Variants in PPP2R2D observed in about 807,000 individuals in gnomAD.
PPP2R2D encodes serine/threonine-protein phosphatase 2A 55 kDa regulatory subunit B delta isoform.
A neutral mutation model predicts 31.1 loss-of-function variants in PPP2R2D; 9 were observed. The ratio of observed to expected loss-of-function variants is 0.29; its 90% confidence interval spans 0.17 to 0.51. PPP2R2D has a LOEUF of 0.51. PPP2R2D is among the 20% of genes least tolerant of loss of function. PPP2R2D has a pLI of 0.98. For synonymous variants in PPP2R2D, 179 were observed against 172.6 expected (o/e 1.04, Z -0.29); for missense variants, 391 against 465.6 (o/e 0.84, Z 1.48).
At chr10:131,917,769 G>C (rs1554893454) in intron 2 of PPP2R2D, among the ~76,000 whole-genome samples, 1 of 123,066 alleles carries the variant, frequency 8.1e-6, no homozygotes, top group Admixed American at 8.1e-5. Flanking sequence ...TCAGGCGGGT[G>C]GAATGACACA....
chr10:131,907,204 T>A (rs1344667022), intron 2 of PPP2R2D, among the ~76,000 whole-genome samples: 1 of 152,152 alleles, frequency 6.6e-6, no homozygotes, highest in Non-Finnish European at 1.5e-5. Context: ...TTATATTTTT[T>A]TTTTGGTCTT....
chr10:131,922,641 T>C (rs1485189059), intron 2 of PPP2R2D, among the ~76,000 whole-genome samples: 2 of 151,804 alleles, frequency 1.3e-5, no homozygotes, highest in Non-Finnish European at 2.9e-5. Context: ...TTTAGTAGAG[T>C]TTCTCTATGT....
rs1430341491 is a variant in PPP2R2D at position 131,958,068 on chromosome 10, G to A, written c.*2105G>A. Reference sequence around the variant, plus strand: ...TGTGCTGATCCCCCATCCCCATGTGGAGATGAAGGGGTGTGTTGATCCCCC... The same window carrying A: ...TGTGCTGATCCCCCATCCCCATGTGAAGATGAAGGGGTGTGTTGATCCCCC... On this transcript the variant is annotated 3_prime_UTR_variant, in exon 9 of 9. Coordinates refer to ENST00000455566, the MANE Select transcript of PPP2R2D (RefSeq NM_018461.5). The A allele has an allele frequency of 2.0e-5, 3 of 151,520 alleles. No homozygotes were observed. Among genetic ancestry groups the A allele is most frequent in the African/African-American group, 8.3e-5 (3 of 36,348 alleles). 9.4% of individuals were successfully genotyped at this position (151,520 alleles called of 1,614,324 possible).
chr10:131,916,330 ATTT>A (rs34461938), intron 2 of PPP2R2D, among the ~76,000 whole-genome samples: 3 of 143,560 alleles, frequency 2.1e-5, no homozygotes, highest in Non-Finnish European at 3.0e-5. Flanking sequence ...ATAGATTGGG[ATTT>A]TTTTTTTTTT....
At chr10:131,960,126 T>C (rs1049567245), downstream of PPP2R2D, among the ~76,000 whole-genome samples, 3 of 152,244 alleles carry the variant, frequency 2.0e-5, no homozygotes, top group Admixed American at 1.3e-4. Flanking sequence ...GTCTTGATGT[T>C]CTGAGAGGCG....
Position 131,958,044 on chromosome 10 carries a change from G to GTAC in PPP2R2D, c.*2082_*2083insACT, listed in dbSNP as rs2036843820. 1 of 153,788 alleles carries GTAC rather than the reference G, an allele frequency of 6.5e-6. No homozygotes were observed. Among genetic ancestry groups the GTAC allele is most frequent in the African/African-American group, 2.8e-5 (1 of 36,134 alleles). 9.5% of individuals were successfully genotyped at this position (153,788 alleles called of 1,614,324 possible). On this transcript the variant is annotated 3_prime_UTR_variant, in exon 9 of 9. Coordinates refer to ENST00000455566, the MANE Select transcript of PPP2R2D (RefSeq NM_018461.5). ...CGTCCCCCTGTGGAGATGAAGGTGT[G>GTAC]TGCTGATCCCCCATCCCCATGTGGA...
chr10:131,926,355 C>T (rs12570046), intron 2 of PPP2R2D, among the ~76,000 whole-genome samples: 14 of 152,108 alleles, frequency 9.2e-5, no homozygotes, highest in East Asian at 5.8e-4. Context: ...TATGTGTGTG[C>T]GTGTGCATCT....
At position 131,920,078 on chromosome 10, in the gene PPP2R2D, G is replaced by A. The variant is rs115538551; in HGVS notation, c.101-14380G>A. On this transcript the variant is annotated intron_variant, in intron 2 of 8. Transcript: ENST00000455566. ...GGGTGGAATGACACAGTGTTTGTAGGGATCTCACACGGGTGGAATGACAGT... is the reference window on the plus strand; with the variant it reads ...GGGTGGAATGACACAGTGTTTGTAGAGATCTCACACGGGTGGAATGACAGT... 1.6e-3 allele frequency among the ~76,000 whole-genome samples: 239 copies of A among 147,740 alleles called. 1 individual carries two copies. The highest frequency in any genetic ancestry group is 5.7e-3 in the African/African-American group (229 of 39,866).
At chr10:131,971,391 G>C in the PPP2R2D span, 1 of 231,094 alleles carries the variant, frequency 4.3e-6, no homozygotes, top group Admixed American at 5.2e-5. Flanking sequence ...CGAAGGAAGG[G>C]ACACTGTATA....
intron 2 of PPP2R2D, among the ~76,000 whole-genome samples, chr10:131,921,977 C>T (rs1274885630): frequency 6.6e-6 from 1 of 152,030 alleles, no homozygotes; most frequent in Non-Finnish European, 1.5e-5. Context: ...TGGATAAAGA[C>T]GTTCTCATTT....
intron 2 of PPP2R2D, among the ~76,000 whole-genome samples, chr10:131,925,598 A>G (rs533484884): frequency 6.6e-6 from 1 of 152,290 alleles, no homozygotes; most frequent in East Asian, 1.9e-4. Flanking sequence ...ACTTTTTTTT[A>G]GTGCTTAAGT....
chr10:131,965,594 G>A, the PPP2R2D span, among the ~76,000 whole-genome samples: 18 of 152,126 alleles, frequency 1.2e-4, no homozygotes, highest in Admixed American at 2.6e-4. Context: ...CTACAGGTAC[G>A]CCACCACACC....
At chr10:131,946,668 A>G (rs2036547698) in intron 7 of PPP2R2D, among the ~76,000 whole-genome samples, 1 of 152,104 alleles carries the variant, frequency 6.6e-6, no homozygotes, top group Admixed American at 6.5e-5. Flanking sequence ...TATTTGAGTA[A>G]ATGCTTGGCG....
intron 2 of PPP2R2D, among the ~76,000 whole-genome samples, chr10:131,913,692 A>C (rs2035722243): frequency 6.6e-6 from 1 of 152,194 alleles, no homozygotes; most frequent in Admixed American, 6.5e-5. Flanking sequence ...TACACTTACC[A>C]AGCCCAGGTG....
chr10:131,938,005 CA>C, intron 3 of PPP2R2D, among the ~76,000 whole-genome samples: 3 of 148,886 alleles, frequency 2.0e-5, no homozygotes, highest in Middle Eastern at 3.7e-3. Flanking sequence ...GTGCGGCGGA[CA>C]GGGGCAGGCG....
chr10:131,935,091 G>A, intron 3 of PPP2R2D: 1 of 406,386 alleles, frequency 2.5e-6, no homozygotes, highest in Non-Finnish European at 5.0e-6. Flanking sequence ...GGCCTTGGAG[G>A]AGCCCACAGC....
chr10:131,934,810 G>T, intron 3 of PPP2R2D: 1 of 542,192 alleles, frequency 1.8e-6, no homozygotes, highest in South Asian at 1.5e-5. Flanking sequence ...AGGATGCAGG[G>T]TGGTGGTGAG....
At chr10:131,920,152 C>T (rs1157625595) in intron 2 of PPP2R2D, among the ~76,000 whole-genome samples, 8 of 146,428 alleles carry the variant, frequency 5.5e-5, no homozygotes, top group African/African-American at 7.7e-5. Context: ...AGGGACCTCA[C>T]GTGGGTGGAA....
intron 8 of PPP2R2D, among the ~76,000 whole-genome samples, chr10:131,953,649 CT>C (rs1244641981): frequency 8.0e-6 from 1 of 125,150 alleles, no homozygotes; most frequent in African/African-American, 3.1e-5. Context: ...GGTTCACTGT[CT>C]TAGTGACTTC....
Sources: allele counts gnomAD v4.1 joint callset (sites outside exome capture counted in the v4.1 genomes callset), GRCh38; gene constraint gnomAD v4.1.1; transcripts MANE v1.5; gene names NCBI Gene and HGNC (gene_info 2026-07-23, HGNC 2026-07-21).